NR4A1: variants seen among roughly 807,000 people sequenced by gnomAD.
NR4A1 encodes nuclear receptor subfamily 4 group A member 1.
Under a neutral mutation model 47.5 loss-of-function variants are expected in NR4A1, and 24 were observed. The ratio of observed to expected loss-of-function variants is 0.50; its 90% confidence interval spans 0.37 to 0.71. The LOEUF (loss-of-function observed/expected upper bound fraction) is 0.71, where lower values mean the gene tolerates loss of function less well. NR4A1 is among the 30% of genes least tolerant of loss of function. The pLI is 0.00. For synonymous variants in NR4A1, 353 were observed against 345.7 expected (o/e 1.02, Z -0.24); for missense variants, 669 against 788.6 (o/e 0.85, Z 1.82).
chr12:52,027,008 G>A (rs1420473145), intron 1 of NR4A1, among the ~76,000 whole-genome samples: 1 of 152,242 alleles, frequency 6.6e-6, no homozygotes, highest in East Asian at 1.9e-4. Flanking sequence ...TTCTGGCCAG[G>A]AAGTGAGAGG....
At chr12:52,047,336 ACT>A (rs1445191274), upstream of NR4A1, among the ~76,000 whole-genome samples, 1 of 151,882 alleles carries the variant, frequency 6.6e-6, no homozygotes, top group South Asian at 2.1e-4. Flanking sequence ...GCTGGACCCC[ACT>A]CTCTCAGAGG....
intron 1 of NR4A1, chr12:52,041,789 A>C (rs1938448445): frequency 9.9e-6 from 13 of 1,316,524 alleles, no homozygotes; most frequent in Non-Finnish European, 1.3e-5. Context: ...CTCTTCACTC[A>C]CATCGACTCT....
intron 2 of NR4A1, among the ~76,000 whole-genome samples, chr12:52,045,748 C>G (rs1325752434): frequency 6.6e-6 from 1 of 152,240 alleles, no homozygotes; most frequent in African/African-American, 2.4e-5. Flanking sequence ...CACTAGCTGA[C>G]CTGCCTGGGT....
At position 52,059,051 on chromosome 12, in the gene NR4A1, A is replaced by T; in HGVS notation, c.*107A>T. On this transcript the variant is annotated 3_prime_UTR_variant, in exon 7 of 7. Coordinates refer to ENST00000394825, the MANE Select transcript of NR4A1 (RefSeq NM_173157.3). ...CCCCAAGCCTGGGCTTGAGCTGCAGAATGACTCCACCTTCTCACCTGCTCC... is the reference window on the plus strand; with the variant it reads ...CCCCAAGCCTGGGCTTGAGCTGCAGTATGACTCCACCTTCTCACCTGCTCC... 1 of 1,365,558 alleles carries T rather than the reference A, an allele frequency of 7.3e-7. No homozygotes were observed. The highest frequency in any genetic ancestry group is 9.8e-7 in the Non-Finnish European group (1 of 1,016,478). 84.6% of individuals were successfully genotyped at this position (1,365,558 alleles called of 1,614,324 possible). A position where few individuals can be genotyped will look rare whatever the true frequency, so the allele number is the denominator to read the frequency against.
rs777202778 is a variant in NR4A1, at chr12:52,056,759, AAAAG to A, written c.1158+126_1158+129del. ...GGACTGAATGAGAAAGGAGGTTTAA[AAAAG>A]AAAGAAAGAAAAGCGACTCCCTCCA... On this transcript the variant is annotated intron_variant, in intron 4 of 6. Coordinates refer to ENST00000394825, the MANE Select transcript of NR4A1 (RefSeq NM_173157.3). 2.1e-5 allele frequency: 25 copies of A among 1,196,086 alleles called. 1 individual carries two copies. Among genetic ancestry groups the A allele is most frequent in the South Asian group, 1.3e-4 (8 of 63,592 alleles). 74.1% of individuals were successfully genotyped at this position (1,196,086 alleles called of 1,614,324 possible).
intron 1 of NR4A1, chr12:52,054,052 C>G (rs968112329): frequency 2.1e-6 from 1 of 484,434 alleles, no homozygotes; most frequent in African/African-American, 1.9e-5. Context: ...TGTATGCCTC[C>G]CCTAGGGTTC....
intron 2 of NR4A1, chr12:52,042,073 G>A: frequency 1.0e-6 from 1 of 962,498 alleles, no homozygotes; most frequent in Non-Finnish European, 1.4e-6. Context: ...GTGCTGTTCA[G>A]TGTGCGGGAT....
At position 52,054,885 on chromosome 12, in the gene NR4A1, C is replaced by T; in HGVS notation, c.557C>T (p.Pro186Leu). Residue 186 changes from proline to leucine, a missense_variant, in exon 2 of 7, where the codon CCT becomes CTT. Transcript: ENST00000394825. ...CCCAAAGCCTCTGGGCCCCCACAGCCTCCAGCCTTCTTTTCCTTCAGTCCT... is the reference window on the plus strand; with the variant it reads ...CCCAAAGCCTCTGGGCCCCCACAGCTTCCAGCCTTCTTTTCCTTCAGTCCT... ...QLPKASGPPQ[P>L]PAFFSFSPPT... The T allele has an allele frequency of 6.2e-7, 1 of 1,614,148 alleles. No individual in the cohort carries two copies. Among genetic ancestry groups the T allele is most frequent in the Non-Finnish European group, 8.5e-7 (1 of 1,180,046 alleles).
upstream of NR4A1, among the ~76,000 whole-genome samples, chr12:52,050,647 G>C (rs1000373420): frequency 1.3e-5 from 2 of 152,190 alleles, no homozygotes; most frequent in African/African-American, 2.4e-5. Flanking sequence ...GGCCGAGCTT[G>C]GGCCTGGCCA....
intron 1 of NR4A1, among the ~76,000 whole-genome samples, chr12:52,035,662 A>G (rs11829620): frequency 0.011 from 1,635 of 152,252 alleles, 35 homozygotes; most frequent in African/African-American, 0.038. Flanking sequence ...TAATACTTGA[A>G]CCTGGGAGAG....
intron 2 of NR4A1, among the ~76,000 whole-genome samples, chr12:52,045,003 C>T (rs1239864090): frequency 6.6e-6 from 1 of 152,196 alleles, no homozygotes; most frequent in Non-Finnish European, 1.5e-5. Context: ...AGAGAAATCA[C>T]TGGACTGAAG....
chr12:52,056,424 G>A, intron 3 of NR4A1, 70 bp from the exon 4 acceptor site: 8 of 1,575,896 alleles, frequency 5.1e-6, no homozygotes, highest in Non-Finnish European at 6.9e-6. Context: ...CAGCAGTGGT[G>A]TGCACGGCTT....
At position 52,059,047 on chromosome 12, in the gene NR4A1, G is replaced by A; in HGVS notation, c.*103G>A. The stretch of plus-strand genomic sequence containing the variant: ...GCACCCCCAAGCCTGGGCTTGAGCT[G>A]CAGAATGACTCCACCTTCTCACCTG... On this transcript the variant is annotated 3_prime_UTR_variant, in exon 7 of 7. Transcript: ENST00000394825. 2 of 1,385,038 alleles carry A rather than the reference G, an allele frequency of 1.4e-6. No homozygotes were observed. The highest frequency in any genetic ancestry group is 2.3e-5 in the Admixed American group (1 of 42,604). The allele number at this position is 1,385,038 out of a possible 1,614,324, so 85.8% of individuals were successfully genotyped here. A position where few individuals can be genotyped will look rare whatever the true frequency, so the allele number is the denominator to read the frequency against.
rs991641788 is a variant in NR4A1 at position 52,058,709 on chromosome 12, C to T, written c.1562C>T (p.Pro521Leu). 1.9e-6 allele frequency: 3 copies of T among 1,606,040 alleles called. No homozygotes were observed. Among genetic ancestry groups the T allele is most frequent in the Non-Finnish European group, 2.5e-6 (3 of 1,176,708 alleles). Reference sequence around the variant, plus strand: ...GCAGACCGGCATGGGCTGCAGGAGCCGCGGCGGGTGGAGGAGCTGCAGAAC... The same window carrying T: ...GCAGACCGGCATGGGCTGCAGGAGCTGCGGCGGGTGGAGGAGCTGCAGAAC... The part of the protein sequence containing the change: ...LITDRHGLQE[P>L]RRVEELQNRI... The change falls in exon 7 of 7, where the codon CCG (proline) becomes CTG (leucine). Residue 521 changes from proline (P) to leucine (L), a missense_variant. Transcript: ENST00000394825.
At chr12:52,052,960 G>A (rs1168311928) in intron 1 of NR4A1, among the ~76,000 whole-genome samples, 7 of 152,174 alleles carry the variant, frequency 4.6e-5, no homozygotes. Context: ...GGGTGGAGGT[G>A]CCCTGTTCAG....
chr12:52,058,447 C>T, intron 6 of NR4A1: 1 of 538,594 alleles, frequency 1.9e-6, no homozygotes, highest in Non-Finnish European at 3.2e-6. Flanking sequence ...GTTTGTGACC[C>T]TGGGCAAGTC....
chr12:52,024,634 G>A (rs544478984), intron 1 of NR4A1, among the ~76,000 whole-genome samples: 5 of 152,310 alleles, frequency 3.3e-5, no homozygotes, highest in African/African-American at 1.2e-4. Flanking sequence ...GCAGTGAGCC[G>A]TGATTGTGCC....
chr12:52,053,747 C>T (rs1939099497), intron 1 of NR4A1: 3 of 154,170 alleles, frequency 1.9e-5, no homozygotes, highest in African/African-American at 2.4e-5. Context: ...ATTAGGCTGC[C>T]TTCTTAGGCA....
chr12:52,026,775 G>A (rs1461426755), intron 1 of NR4A1, among the ~76,000 whole-genome samples: 1 of 152,152 alleles, frequency 6.6e-6, no homozygotes, highest in Non-Finnish European at 1.5e-5. Flanking sequence ...GGGAATATGT[G>A]TATTTGAGCC....
Sources: gnomAD v4.1 joint callset for allele counts (sites outside exome capture counted in the v4.1 genomes callset) on GRCh38, gnomAD v4.1.1 for gene constraint, MANE v1.5 for transcripts, NCBI Gene and HGNC (gene_info 2026-07-23, HGNC 2026-07-21) for gene names.